The following TRPM1 variants were observed in gnomAD, a reference collection of about 807,000 sequenced individuals.
TRPM1 encodes the protein TRPM1-203 APA Isoform, Intron 10.
In TRPM1, 113 loss-of-function variants were observed where a neutral mutation model predicts 149.4. That is an observed-to-expected ratio of 0.76 (90% CI 0.65 to 0.88). The LOEUF (loss-of-function observed/expected upper bound fraction) is 0.88, where lower values mean the gene tolerates loss of function less well. TRPM1 is among the 40% of genes least tolerant of loss of function. The probability of loss-of-function intolerance (pLI) is 0.00; values close to 1 mark genes in which losing one functional copy is unlikely to be tolerated. For synonymous variants in TRPM1, 741 were observed against 759.5 expected (o/e 0.98, Z 0.40); for missense variants, 1,976 against 2,038.7 (o/e 0.97, Z 0.59).
chr15:31,109,654 C>A (rs1157953948), intron 1 of TRPM1, among the ~76,000 whole-genome samples: 2 of 149,584 alleles, frequency 1.3e-5, no homozygotes, highest in Admixed American at 1.3e-4. Flanking sequence ...GACCCAAGAT[C>A]ATGCCACTGC....
intron 27 of TRPM1, among the ~76,000 whole-genome samples, chr15:31,021,299 G>C (rs940133410): frequency 2.6e-5 from 4 of 152,098 alleles, no homozygotes; most frequent in Admixed American, 2.0e-4. Flanking sequence ...TTTCTTCTAG[G>C]TAGGTCTCCA....
intron 1 of TRPM1, among the ~76,000 whole-genome samples, chr15:31,117,208 G>A (rs1224564342): frequency 3.3e-5 from 5 of 152,074 alleles, no homozygotes; most frequent in African/African-American, 4.8e-5. Flanking sequence ...AAATTAGGCC[G>A]GGCATGGTGG....
intron 1 of TRPM1, among the ~76,000 whole-genome samples, chr15:31,115,792 G>T (rs553847542): frequency 6.6e-6 from 1 of 151,630 alleles, no homozygotes; most frequent in African/African-American, 2.4e-5. Flanking sequence ...CATTCAAGCG[G>T]CTAAAACAAA....
intron 1 of TRPM1, among the ~76,000 whole-genome samples, chr15:31,117,574 G>C (rs927535800): frequency 6.6e-6 from 1 of 151,710 alleles, no homozygotes; most frequent in Admixed American, 6.6e-5. Context: ...CTTGAACCCG[G>C]TAGGTGGAGG....
chr15:31,114,389 T>C (rs776144179), intron 1 of TRPM1, among the ~76,000 whole-genome samples: 1 of 152,228 alleles, frequency 6.6e-6, no homozygotes, highest in African/African-American at 2.4e-5. Flanking sequence ...ATGGTGTATA[T>C]GTACCACATG....
intron 1 of TRPM1, among the ~76,000 whole-genome samples, chr15:31,088,432 A>G (rs1472000428): frequency 6.6e-6 from 1 of 152,132 alleles, no homozygotes; most frequent in Non-Finnish European, 1.5e-5. Flanking sequence ...CACCTTTAAG[A>G]GCTGTAACAC....
At chr15:31,060,954 G>C (rs1353020836) in intron 10 of TRPM1, among the ~76,000 whole-genome samples, 1 of 152,200 alleles carries the variant, frequency 6.6e-6, no homozygotes. Context: ...CTGCCAGGCA[G>C]CCAGCCTGAC....
chr15:31,132,172 G>A (rs1242413464), intron 1 of TRPM1, among the ~76,000 whole-genome samples: 2 of 152,208 alleles, frequency 1.3e-5, no homozygotes, highest in Non-Finnish European at 2.9e-5. Flanking sequence ...ATTGGCAGCC[G>A]GGTTGACCCC....
At chr15:31,068,744 C>CAAAAAAAAAAAAAAA (rs60411633) in intron 4 of TRPM1, among the ~76,000 whole-genome samples, 1 of 60,214 alleles carries the variant, frequency 1.7e-5, no homozygotes, top group African/African-American at 6.5e-5. Flanking sequence ...AACTCCAACT[C>CAAAAAAAAAAAAAAA]AAAAAAAAAA....
At chr15:31,111,845 G>A (rs2035693616) in intron 1 of TRPM1, among the ~76,000 whole-genome samples, 1 of 152,038 alleles carries the variant, frequency 6.6e-6, no homozygotes. Flanking sequence ...TCTAAAATCT[G>A]AATTTTACCC....
chr15:31,026,574 CGT>C (rs1307496537), intron 26 of TRPM1, among the ~76,000 whole-genome samples: 9 of 152,090 alleles, frequency 5.9e-5, no homozygotes, highest in Admixed American at 5.9e-4. Flanking sequence ...TAGAGTCAAA[CGT>C]ATAGCATTAT....
chr15:31,061,334 G>C (rs1241651716), intron 10 of TRPM1, 108 bp downstream of exon 10: 25 of 1,107,654 alleles, frequency 2.3e-5, no homozygotes, highest in Non-Finnish European at 3.3e-5. Flanking sequence ...GGCCTGGCTG[G>C]CTCAGGGTCT....
chr15:31,160,837 G>A, intron 1 of TRPM1: 1 of 1,498,148 alleles, frequency 6.7e-7, no homozygotes. Context: ...TGAGATGACA[G>A]AGCTGGAGAC....
intron 1 of TRPM1, among the ~76,000 whole-genome samples, chr15:31,138,783 C>T (rs1271302915): frequency 6.6e-6 from 1 of 152,078 alleles, no homozygotes; most frequent in Non-Finnish European, 1.5e-5. Flanking sequence ...CTTCTTGGCA[C>T]TTAGCTGACT....
At chr15:31,044,805 G>T (rs1171976775) in intron 16 of TRPM1, among the ~76,000 whole-genome samples, 2 of 147,300 alleles carry the variant, frequency 1.4e-5, no homozygotes, top group Non-Finnish European at 3.0e-5. Context: ...AAAAAAAATT[G>T]GCACAAGAAA....
At chr15:31,071,477 T>G (rs1256127110) in intron 3 of TRPM1, among the ~76,000 whole-genome samples, 1 of 152,170 alleles carries the variant, frequency 6.6e-6, no homozygotes, top group African/African-American at 2.4e-5. Context: ...GGGCCAGCCT[T>G]GGGGCTTCCT....
At chr15:31,051,354 A>G (rs10162731) in intron 11 of TRPM1, among the ~76,000 whole-genome samples, 106,139 of 152,110 alleles carry the variant, frequency 0.7, 37,212 homozygotes, top group East Asian at 0.95. Context: ...CTCCTGGTGG[A>G]TTGCCTACCT....
chr15:31,081,727 C>A (rs990587251), intron 1 of TRPM1, among the ~76,000 whole-genome samples: 2 of 152,138 alleles, frequency 1.3e-5, no homozygotes, highest in Non-Finnish European at 2.9e-5. Context: ...GAGGGCCTGG[C>A]GAGAGCTCAA....
chr15:31,101,204 G>T (rs1322024788), intron 1 of TRPM1, among the ~76,000 whole-genome samples: 1 of 152,254 alleles, frequency 6.6e-6, no homozygotes, highest in African/African-American at 2.4e-5. Context: ...GGAATGACAG[G>T]CAAGAGGTTG....
Sources: allele counts gnomAD v4.1 joint callset (sites outside exome capture counted in the v4.1 genomes callset), GRCh38; gene constraint gnomAD v4.1.1; transcripts MANE v1.5; gene names NCBI Gene and HGNC (gene_info 2026-07-23, HGNC 2026-07-21).